GPM6A: variants seen among roughly 807,000 people sequenced by gnomAD.
GPM6A encodes the protein neuronal membrane glycoprotein M6-a.
In GPM6A, 7 loss-of-function variants were observed where a neutral mutation model predicts 32.1. That is an observed-to-expected ratio of 0.22 (90% CI 0.12 to 0.41). The LOEUF (loss-of-function observed/expected upper bound fraction) is 0.41. Ranked by LOEUF, GPM6A falls within the 10% of genes least tolerant of loss-of-function variation. GPM6A has a pLI of 1.00. For synonymous variants in GPM6A, 130 were observed against 123.4 expected (o/e 1.05, Z -0.35); for missense variants, 235 against 347.2 (o/e 0.68, Z 2.57).
chr4:175,670,022 C>G (rs777461956), intron 3 of GPM6A, among the ~76,000 whole-genome samples: 4 of 151,416 alleles, frequency 2.6e-5, no homozygotes, highest in Non-Finnish European at 5.9e-5. Flanking sequence ...AAAAATCAAC[C>G]CGGTGACACT....
intron 1 of GPM6A, among the ~76,000 whole-genome samples, chr4:175,953,728 C>T (rs1233627455): frequency 1.3e-5 from 2 of 151,904 alleles, no homozygotes; most frequent in East Asian, 1.9e-4. Flanking sequence ...GGAGAAACCC[C>T]GTCTCTACTA....
At chr4:175,743,525 G>T (rs1469125776) in intron 1 of GPM6A, among the ~76,000 whole-genome samples, 1 of 151,848 alleles carries the variant, frequency 6.6e-6, no homozygotes, top group Non-Finnish European at 1.5e-5. Flanking sequence ...AAAAAGGTAG[G>T]CATGGACCTC....
chr4:175,840,405 C>T (rs1735898333), intron 1 of GPM6A, among the ~76,000 whole-genome samples: 1 of 152,132 alleles, frequency 6.6e-6, no homozygotes, highest in Non-Finnish European at 1.5e-5. Flanking sequence ...AGTCCGGGTG[C>T]GGTGGCTCAC....
intron 1 of GPM6A, among the ~76,000 whole-genome samples, chr4:175,896,997 G>A (rs947945530): frequency 4.6e-5 from 7 of 151,878 alleles, no homozygotes; most frequent in Non-Finnish European, 1.0e-4. Context: ...TAAAGATCTC[G>A]TTTGCCTCAT....
At chr4:175,959,432 GCACA>G (rs138172319) in intron 1 of GPM6A, among the ~76,000 whole-genome samples, 3 of 148,998 alleles carry the variant, frequency 2.0e-5, no homozygotes, top group Non-Finnish European at 3.0e-5. Flanking sequence ...GTACACACAT[GCACA>G]CACACACACA....
At chr4:175,967,152 A>T (rs1740356888) in intron 1 of GPM6A, among the ~76,000 whole-genome samples, 1 of 152,224 alleles carries the variant, frequency 6.6e-6, no homozygotes, top group South Asian at 2.1e-4. Flanking sequence ...AATATTCAAA[A>T]ATCAATTAAT....
intron 1 of GPM6A, among the ~76,000 whole-genome samples, chr4:175,887,552 G>A (rs2111469127): frequency 6.6e-6 from 1 of 151,816 alleles, no homozygotes; most frequent in African/African-American, 2.4e-5. Context: ...GATGAAAAGA[G>A]TAATTAATAG....
chr4:175,667,145 T>C (rs1056837968), intron 3 of GPM6A, among the ~76,000 whole-genome samples: 7 of 152,214 alleles, frequency 4.6e-5, no homozygotes, highest in Admixed American at 3.3e-4. Context: ...ATAAATTCTT[T>C]ATGTAATTAT....
intron 6 of GPM6A, among the ~76,000 whole-genome samples, chr4:175,637,657 A>T (rs866149221): frequency 0.086 from 68 of 790 alleles, no homozygotes; most frequent in African/African-American, 0.14. Context: ...ATAAAATATA[A>T]AATATATAAT....
chr4:175,657,327 A>G (rs539657275), intron 3 of GPM6A, among the ~76,000 whole-genome samples: 1 of 152,322 alleles, frequency 6.6e-6, no homozygotes, highest in African/African-American at 2.4e-5. Context: ...GGTTTTCACC[A>G]TGGCCAGACA....
chr4:175,916,991 C>T (rs965856217), intron 1 of GPM6A, among the ~76,000 whole-genome samples: 13 of 152,212 alleles, frequency 8.5e-5, no homozygotes, highest in African/African-American at 3.1e-4. Context: ...TCTCCTACCT[C>T]TTAAATCCAT....
chr4:175,954,957 G>A (rs911583940), intron 1 of GPM6A, among the ~76,000 whole-genome samples: 15 of 152,180 alleles, frequency 9.9e-5, no homozygotes, highest in African/African-American at 3.6e-4. Flanking sequence ...TTAAGTCAAA[G>A]GACCAGACAA....
At chr4:175,905,929 C>G (rs1294616388) in intron 1 of GPM6A, among the ~76,000 whole-genome samples, 1 of 152,128 alleles carries the variant, frequency 6.6e-6, no homozygotes, top group African/African-American at 2.4e-5. Flanking sequence ...TAGATTGAAA[C>G]AGCTGGTGTG....
intron 1 of GPM6A, among the ~76,000 whole-genome samples, chr4:175,924,911 G>A (rs1026055041): frequency 6.6e-6 from 1 of 151,646 alleles, no homozygotes; most frequent in African/African-American, 2.4e-5. Flanking sequence ...TTATTGTGTG[G>A]TGCAAATCTA....
chr4:175,693,846 G>A (rs1744427954), intron 2 of GPM6A, among the ~76,000 whole-genome samples: 1 of 152,158 alleles, frequency 6.6e-6, no homozygotes, highest in Non-Finnish European at 1.5e-5. Flanking sequence ...CAGAGGTGGA[G>A]CCTGGTGGGA....
chr4:175,742,986 A>G (rs1200041992), intron 1 of GPM6A, among the ~76,000 whole-genome samples: 1 of 152,148 alleles, frequency 6.6e-6, no homozygotes, highest in Non-Finnish European at 1.5e-5. Flanking sequence ...ATTCGCCACA[A>G]AAAGAAAAAA....
chr4:175,791,553 G>C (rs1043172349), intron 1 of GPM6A, among the ~76,000 whole-genome samples: 4 of 152,064 alleles, frequency 2.6e-5, no homozygotes, highest in African/African-American at 9.7e-5. Flanking sequence ...TTTATAAAAG[G>C]TTAAATTTGC....
chr4:175,700,010 G>A (rs1158461776), intron 2 of GPM6A, among the ~76,000 whole-genome samples: 1 of 152,012 alleles, frequency 6.6e-6, no homozygotes, highest in Non-Finnish European at 1.5e-5. Context: ...TTACAGGCTT[G>A]TGCCACCATG....
At chr4:175,773,369 C>T (rs1317975812) in intron 1 of GPM6A, among the ~76,000 whole-genome samples, 2 of 152,134 alleles carry the variant, frequency 1.3e-5, no homozygotes, top group Non-Finnish European at 2.9e-5. Context: ...TTCACTGTTG[C>T]ATCTTTACAG....
Sources: gnomAD v4.1 joint callset for allele counts (sites outside exome capture counted in the v4.1 genomes callset) on GRCh38, gnomAD v4.1.1 for gene constraint, MANE v1.5 for transcripts, NCBI Gene and HGNC (gene_info 2026-07-23, HGNC 2026-07-21) for gene names.